The following TMPRSS11F variants were observed in gnomAD, a reference collection of about 807,000 sequenced individuals.
TMPRSS11F encodes transmembrane protease serine 11F.
In TMPRSS11F, 47 loss-of-function variants were observed where a neutral mutation model predicts 60.2. The observed-to-expected ratio is 0.78, with a 90% CI of 0.62 to 1.00. The LOEUF (loss-of-function observed/expected upper bound fraction) is 1.00. TMPRSS11F is among the 50% of genes least tolerant of loss of function. The probability of loss-of-function intolerance (pLI) is 0.00; values close to 1 mark genes in which losing one functional copy is unlikely to be tolerated. For synonymous variants in TMPRSS11F, 166 were observed against 167.3 expected (o/e 0.99, Z 0.06); for missense variants, 519 against 522.9 (o/e 0.99, Z 0.07).
intron 3 of TMPRSS11F, chr4:68,080,354 T>A (rs770549036): frequency 6.6e-6 from 1 of 152,246 alleles, no homozygotes; most frequent in Non-Finnish European, 1.5e-5. Flanking sequence ...ACTTAAATGA[T>A]AATGAGTTGT....
chr4:68,062,849 G>C (rs1172109216), intron 8 of TMPRSS11F: 1 of 772,854 alleles, frequency 1.3e-6, no homozygotes, highest in East Asian at 2.6e-5. Context: ...CTTAACATAT[G>C]TATTGGGTGG....
At chr4:68,104,144 A>T (rs1724252362) in intron 1 of TMPRSS11F, among the ~76,000 whole-genome samples, 1 of 152,064 alleles carries the variant, frequency 6.6e-6, no homozygotes, top group Admixed American at 6.6e-5. Context: ...TCCTTATATG[A>T]CTGTTCTTGC....
chr4:68,073,888 C>T, intron 4 of TMPRSS11F, 54 bp downstream of exon 4: 1 of 1,161,938 alleles, frequency 8.6e-7, no homozygotes, highest in Non-Finnish European at 1.2e-6. Context: ...TTAGGTTCAT[C>T]AAATACCTCA....
chr4:68,093,035 C>G (rs185577852), intron 2 of TMPRSS11F, among the ~76,000 whole-genome samples: 2 of 152,026 alleles, frequency 1.3e-5, no homozygotes, highest in Admixed American at 1.3e-4. Context: ...ATGATATTTG[C>G]CATTTATTGA....
intron 2 of TMPRSS11F, among the ~76,000 whole-genome samples, chr4:68,091,779 CTCTCTATCTATCTA>C (rs766115157): frequency 1.4e-4 from 8 of 57,910 alleles, no homozygotes; most frequent in African/African-American, 2.1e-4. Flanking sequence ...CTCTCTCTCT[CTCTCTATCTATCTA>C]TCTATCTTTT....
At chr4:68,054,129 A>G in intron 9 of TMPRSS11F, 62 bp from the exon 10 acceptor site, 1 of 1,494,404 alleles carries the variant, frequency 6.7e-7, no homozygotes, top group Non-Finnish European at 9.2e-7. Flanking sequence ...AGGTATTGTA[A>G]TCTGACGTTC....
At chr4:68,080,747 C>A (rs1339544254) in intron 3 of TMPRSS11F, 1 of 151,924 alleles carries the variant, frequency 6.6e-6, no homozygotes, top group East Asian at 1.9e-4. Context: ...TCTGAAAGAT[C>A]TTGATTAATA....
chr4:68,102,584 C>A (rs564030192), intron 1 of TMPRSS11F, among the ~76,000 whole-genome samples: 6 of 152,026 alleles, frequency 3.9e-5, no homozygotes, highest in East Asian at 1.9e-4. Flanking sequence ...TGTTGAGAAC[C>A]TTTTCATATA....
intron 2 of TMPRSS11F, among the ~76,000 whole-genome samples, chr4:68,098,490 C>T (rs1724123928): frequency 6.6e-6 from 1 of 152,064 alleles, no homozygotes; most frequent in Non-Finnish European, 1.5e-5. Flanking sequence ...AATGCTTGAT[C>T]TTTAGCCCTT....
chr4:68,063,348 C>T (rs1000124008), intron 8 of TMPRSS11F: 10 of 441,046 alleles, frequency 2.3e-5, no homozygotes, highest in Admixed American at 5.8e-5. Context: ...TTCAGTTAAT[C>T]TTTTTCTCTC....
chr4:68,072,714 A>T (rs1723505900), intron 4 of TMPRSS11F, among the ~76,000 whole-genome samples: 2 of 152,144 alleles, frequency 1.3e-5, no homozygotes, highest in Admixed American at 1.3e-4. Context: ...TGGATAAAAT[A>T]CCTACCTGAA....
chr4:68,115,703 C>G (rs1007898326), intron 1 of TMPRSS11F, among the ~76,000 whole-genome samples: 1 of 152,148 alleles, frequency 6.6e-6, no homozygotes, highest in African/African-American at 2.4e-5. Flanking sequence ...AAAAATCAAA[C>G]TATTTCCATA....
At chr4:68,091,759 C>A (rs370489687) in intron 2 of TMPRSS11F, among the ~76,000 whole-genome samples, 6 of 33,694 alleles carry the variant, frequency 1.8e-4, no homozygotes, top group East Asian at 1.7e-3. Context: ...CTCTCTCTCT[C>A]TCTCTCTCTC....
intron 1 of TMPRSS11F, among the ~76,000 whole-genome samples, chr4:68,108,377 A>G (rs969833830): frequency 2.0e-5 from 3 of 152,194 alleles, no homozygotes; most frequent in Admixed American, 6.5e-5. Context: ...CTTAAAGCAA[A>G]GATGTTCTGG....
intron 7 of TMPRSS11F, among the ~76,000 whole-genome samples, chr4:68,068,326 A>C (rs542666341): frequency 6.6e-6 from 1 of 152,312 alleles, no homozygotes; most frequent in African/African-American, 2.4e-5. Flanking sequence ...AACTTGTTAC[A>C]TGTGTAATAG....
At chr4:68,123,949 G>A (rs149646021) in intron 1 of TMPRSS11F, among the ~76,000 whole-genome samples, 276 of 152,184 alleles carry the variant, frequency 1.8e-3, no homozygotes, top group African/African-American at 6.4e-3. Context: ...GGTCGGGCAC[G>A]GTGGCTCATG....
intron 5 of TMPRSS11F, among the ~76,000 whole-genome samples, chr4:68,071,232 C>T (rs887541117): frequency 1.3e-5 from 2 of 152,116 alleles, no homozygotes; most frequent in African/African-American, 2.4e-5. Flanking sequence ...AGGTGGATAC[C>T]GTACTCTCCC....
intron 3 of TMPRSS11F, among the ~76,000 whole-genome samples, chr4:68,085,665 C>G (rs1047701235): frequency 2.0e-5 from 3 of 152,120 alleles, no homozygotes; most frequent in Non-Finnish European, 4.4e-5. Context: ...AATCTGCTGC[C>G]TTCAAAAGAA....
intron 1 of TMPRSS11F, among the ~76,000 whole-genome samples, chr4:68,106,962 T>C (rs1333615915): frequency 6.6e-6 from 1 of 152,198 alleles, no homozygotes; most frequent in Non-Finnish European, 1.5e-5. Context: ...TATTACCATC[T>C]TGGAAGCACT....
Sources: allele counts gnomAD v4.1 joint callset (sites outside exome capture counted in the v4.1 genomes callset), GRCh38; gene constraint gnomAD v4.1.1; transcripts MANE v1.5; gene names NCBI Gene and HGNC (gene_info 2026-07-23, HGNC 2026-07-21).